ADGRG7: variants seen among roughly 807,000 people sequenced by gnomAD.
The protein encoded by ADGRG7 is adhesion G protein-coupled receptor G7, also known as G-protein coupled receptor 128.
A neutral mutation model predicts 88.6 loss-of-function variants in ADGRG7; 82 were observed. The ratio of observed to expected loss-of-function variants is 0.93; its 90% CI spans 0.77 to 1.11. The LOEUF (loss-of-function observed/expected upper bound fraction) is 1.11. Ranked by LOEUF, ADGRG7 falls within the 50% of genes most tolerant of loss-of-function variation. The pLI, the probability that ADGRG7 is intolerant of heterozygous loss-of-function variation, is 0.00. For synonymous variants in ADGRG7, 381 were observed against 345.2 expected (o/e 1.10, Z -1.15); for missense variants, 945 against 953.4 (o/e 0.99, Z 0.12).
intron 15 of ADGRG7, among the ~76,000 whole-genome samples, chr3:100,678,955 G>A (rs574733504): frequency 5.9e-5 from 9 of 152,286 alleles, no homozygotes; most frequent in African/African-American, 2.2e-4. Flanking sequence ...GGTGACCACT[G>A]TGTGGCTACC....
intron 7 of ADGRG7, 30 bp from the exon 8 acceptor site, chr3:100,643,494 CTT>C (rs1272295491): frequency 6.2e-7 from 1 of 1,602,506 alleles, no homozygotes; most frequent in African/African-American, 1.3e-5. Flanking sequence ...ATAATGTAGA[CTT>C]TTACAATTCT....
At chr3:100,615,253 T>C (rs900209269) in intron 1 of ADGRG7, among the ~76,000 whole-genome samples, 17 of 152,212 alleles carry the variant, frequency 1.1e-4, no homozygotes, top group Admixed American at 3.3e-4. Context: ...TTCAAGATCA[T>C]AATTCTAAAA....
intron 14 of ADGRG7, among the ~76,000 whole-genome samples, chr3:100,664,260 T>A (rs2094949137): frequency 6.6e-6 from 1 of 152,106 alleles, no homozygotes; most frequent in African/African-American, 2.4e-5. Flanking sequence ...TTAACACATT[T>A]AAAATAACTA....
rs764633827 is a variant in ADGRG7 at position 100,645,947 on chromosome 3, T to C, written c.949T>C (p.Tyr317His). 6.2e-7 allele frequency: 1 copy of C among 1,612,930 alleles called. No individual in the cohort carries two copies. Among genetic ancestry groups the C allele is most frequent in the East Asian group, 2.2e-5 (1 of 44,854 alleles). ...LQVLLNMTKN[Y>H]TKTCGFVVYQ... is the part of the protein sequence containing the mutation. ...TTAATGTCTTTTTCTCCCTATAGAT[T>C]ACACCAAGACATGCGGCTTTGTAGT... The change falls in exon 9 of 16, where the codon TAC becomes CAC. Residue 317 changes from tyrosine to histidine, a missense_variant and splice_region_variant. Physicochemically the swap from Tyr to His is moderately conservative, Grantham distance 83. Transcript: ENST00000273352.
At chr3:100,637,045 T>C (rs946356488) in intron 5 of ADGRG7, among the ~76,000 whole-genome samples, 1 of 152,208 alleles carries the variant, frequency 6.6e-6, no homozygotes, top group African/African-American at 2.4e-5. Context: ...CTGTGAAAGA[T>C]CTTGCTATGA....
chr3:100,682,421 G>A (rs920494997), intron 15 of ADGRG7, among the ~76,000 whole-genome samples: 7 of 152,202 alleles, frequency 4.6e-5, no homozygotes, highest in East Asian at 3.8e-4. Flanking sequence ...CAGCAACGTG[G>A]CCACCGCGCC....
chr3:100,684,257 C>CTATCTATTTATTTATTTATTTATT (rs146037474), intron 15 of ADGRG7, among the ~76,000 whole-genome samples: 44 of 145,340 alleles, frequency 3.0e-4, no homozygotes, highest in Admixed American at 1.9e-3. Context: ...TCCATTTTAT[C>CTATCTATTTATTTATTTATTTATT]TATTTATTTA....
Position 100,609,801 on chromosome 3 carries a change from A to G in ADGRG7, c.-56A>G. 7.5e-7 allele frequency: 1 copy of G among 1,334,110 alleles called. No homozygotes were observed. Among genetic ancestry groups the G allele is most frequent in the Admixed American group, 1.7e-5 (1 of 58,314 alleles). The allele number at this position is 1,334,110 out of a possible 1,614,324, so 82.6% of individuals were successfully genotyped here. A position where few individuals can be genotyped will look rare whatever the true frequency, so the allele number is the denominator to read the frequency against. On this transcript the variant is annotated 5_prime_UTR_variant, in exon 1 of 16. Coordinates refer to ENST00000273352, the MANE Select transcript of ADGRG7 (RefSeq NM_032787.3). ...TTCCGATTAAACTTTTTAGCTCAAG[A>G]AGAAAAGAAGCTAGTTATTTCTCAC...
chr3:100,633,779 C>T (rs1025713680), intron 4 of ADGRG7, among the ~76,000 whole-genome samples: 3 of 152,172 alleles, frequency 2.0e-5, no homozygotes, highest in African/African-American at 7.2e-5. Context: ...GCCTCAGCCT[C>T]CCGAAGTGCA....
chr3:100,637,580 T>C (rs1707567110), intron 6 of ADGRG7, 178 bp downstream of exon 6: 1 of 566,972 alleles, frequency 1.8e-6, no homozygotes, highest in South Asian at 2.1e-5. Context: ...GATGGAGTGG[T>C]ATATGTTACC....
At chr3:100,653,507 G>C (rs2094932614) in intron 11 of ADGRG7, among the ~76,000 whole-genome samples, 2 of 152,096 alleles carry the variant, frequency 1.3e-5, no homozygotes, top group Admixed American at 6.5e-5. Flanking sequence ...TCCATATAGG[G>C]CCTCTTCTAC....
At chr3:100,662,187 T>C (rs1344301251) in intron 14 of ADGRG7, among the ~76,000 whole-genome samples, 1 of 152,156 alleles carries the variant, frequency 6.6e-6, no homozygotes. Context: ...CAAATTTAAT[T>C]TGGCAATAAA....
chr3:100,673,871 T>G (rs1020955600), intron 15 of ADGRG7, among the ~76,000 whole-genome samples: 6 of 152,202 alleles, frequency 3.9e-5, no homozygotes, highest in Admixed American at 1.3e-4. Context: ...CTCCTTCAGT[T>G]CTGGTCTGAT....
chr3:100,693,576 G>A (rs1020459546), intron 15 of ADGRG7, among the ~76,000 whole-genome samples: 24 of 152,150 alleles, frequency 1.6e-4, no homozygotes, highest in African/African-American at 5.8e-4. Context: ...AGTACTCACA[G>A]GATATGATTC....
intron 8 of ADGRG7, among the ~76,000 whole-genome samples, chr3:100,643,974 C>T (rs1288004167): frequency 6.6e-6 from 1 of 152,130 alleles, no homozygotes; most frequent in Non-Finnish European, 1.5e-5. Context: ...AAGCTCTGAC[C>T]ATGTTTACTA....
At position 100,683,656 on chromosome 3, in the gene ADGRG7, C is replaced by G. The variant is rs2094977159; in HGVS notation, c.2137-11088C>G. Among the ~76,000 whole-genome samples the G allele has an allele frequency of 1.3e-5, 2 of 152,210 alleles. 1 individual carries two copies. The highest frequency in any genetic ancestry group is 1.3e-4 in the Admixed American group (2 of 15,284). On this transcript the variant is annotated intron_variant, in intron 15 of 15. Transcript: ENST00000273352. ...GTGGGATCCAGGTCGGTAGCTAAGC[C>G]AAGCACAGCCTGCCAGACCGAGTAG...
chr3:100,637,316 C>A lies in ADGRG7; in HGVS notation c.612C>A (p.Ala204=). 5 of 1,613,070 alleles carry A rather than the reference C, an allele frequency of 3.1e-6. No individual in the cohort carries two copies. The highest frequency in any genetic ancestry group is 1.1e-5 in the South Asian group (1 of 91,028). ...RNASPEAKKV[A]IVTVSQLLDA... ...CTCTTTGGCAGGCAAAGAAAGTTGCCATAGTAACAGTGAGTCAACTCCTAG... is the reference window on the plus strand; with the variant it reads ...CTCTTTGGCAGGCAAAGAAAGTTGCAATAGTAACAGTGAGTCAACTCCTAG... The change falls in exon 6 of 16, where the codon GCC becomes GCA. Residue 204 remains alanine, a synonymous_variant. Transcript: ENST00000273352.
At chr3:100,633,150 G>A (rs1707479091) in intron 3 of ADGRG7, 115 bp from the exon 4 acceptor site, 1 of 466,026 alleles carries the variant, frequency 2.1e-6, no homozygotes. Flanking sequence ...AAAAATAATA[G>A]GCAATAATTT....
intron 13 of ADGRG7, among the ~76,000 whole-genome samples, chr3:100,657,839 C>T (rs2094939720): frequency 6.6e-6 from 1 of 152,186 alleles, no homozygotes; most frequent in African/African-American, 2.4e-5. Context: ...GGAACATCAT[C>T]TCAGTTTCCT....
Sources: allele counts gnomAD v4.1 joint callset (sites outside exome capture counted in the v4.1 genomes callset), GRCh38; gene constraint gnomAD v4.1.1; transcripts MANE v1.5; gene names NCBI Gene and HGNC (gene_info 2026-07-23, HGNC 2026-07-21).